NBAS: variants seen among roughly 807,000 people sequenced by gnomAD.
NBAS encodes NBAS subunit of NRZ tethering complex.
A neutral mutation model predicts 302.5 loss-of-function variants in NBAS; 219 were observed. The observed-to-expected ratio is 0.72, with a 90% CI of 0.65 to 0.81. NBAS has a LOEUF of 0.81. Among genes scored for constraint, NBAS ranks in the 30% least tolerant of loss-of-function variants. The probability of loss-of-function intolerance (pLI) is 0.00; values close to 1 mark genes in which losing one functional copy is unlikely to be tolerated. For missense variants in NBAS, 2,932 were observed against 2,841.6 expected, an observed-to-expected ratio of 1.03 and a Z score of -0.72; for synonymous variants, 1,118 against 1,021.6, an observed-to-expected ratio of 1.09 and a Z score of -1.80.
At chr2:15,091,678 G>A in the NBAS span, among the ~76,000 whole-genome samples, 13 of 151,988 alleles carry the variant, frequency 8.6e-5, no homozygotes, top group South Asian at 1.0e-3. Flanking sequence ...GATTACAGGC[G>A]CCTGCCACCA....
chr2:15,102,274 G>A, the NBAS span, among the ~76,000 whole-genome samples: 1 of 152,182 alleles, frequency 6.6e-6, no homozygotes, highest in African/African-American at 2.4e-5. Flanking sequence ...AGGACAAGTA[G>A]TGAGTTGAAT....
the NBAS span, among the ~76,000 whole-genome samples, chr2:15,154,090 G>A: frequency 5.3e-5 from 8 of 152,294 alleles, no homozygotes; most frequent in East Asian, 1.9e-4. Context: ...CAAACTCCTC[G>A]TTCAGTCATA....
At chr2:15,421,118 C>T (rs772948812) in intron 23 of NBAS, among the ~76,000 whole-genome samples, 2 of 151,998 alleles carry the variant, frequency 1.3e-5, no homozygotes, top group African/African-American at 4.8e-5. Context: ...AATACATCTA[C>T]CTTTATAGCA....
At chr2:15,402,370 C>G in intron 25 of NBAS, 69 bp from the exon 26 acceptor site, 1 of 1,399,520 alleles carries the variant, frequency 7.1e-7, no homozygotes, top group Non-Finnish European at 1.0e-6. Context: ...TATCCCAATA[C>G]TACTGTCAAC....
chr2:14,935,520 T>C, the NBAS span, among the ~76,000 whole-genome samples: 20 of 152,328 alleles, frequency 1.3e-4, no homozygotes, highest in African/African-American at 4.8e-4. Flanking sequence ...CAGTAATTCT[T>C]AGTTTTCCAT....
At chr2:15,397,611 C>G in intron 26 of NBAS, 2 of 595,510 alleles carry the variant, frequency 3.4e-6, no homozygotes, top group South Asian at 1.5e-5. Flanking sequence ...GTTTCAAAGA[C>G]GCTCGCTTCA....
the NBAS span, among the ~76,000 whole-genome samples, chr2:14,922,157 G>C: frequency 6.6e-6 from 1 of 152,198 alleles, no homozygotes; most frequent in Admixed American, 6.5e-5. Context: ...AGAAAACAGA[G>C]ATGTCAGAAA....
chr2:15,383,369 T>G (rs1398473513), intron 28 of NBAS, 52 bp from the exon 29 acceptor site: 1 of 1,536,894 alleles, frequency 6.5e-7, no homozygotes. Flanking sequence ...ACAATTAAAA[T>G]CTCTTTCTTC....
At chr2:14,868,062 CATT>C in the NBAS span, among the ~76,000 whole-genome samples, 30 of 152,172 alleles carry the variant, frequency 2.0e-4, no homozygotes, top group African/African-American at 6.8e-4. Context: ...CTGGGCCAGA[CATT>C]GTTGTGTATT....
the NBAS span, among the ~76,000 whole-genome samples, chr2:14,950,584 A>G: frequency 1.3e-5 from 2 of 152,176 alleles, no homozygotes; most frequent in Non-Finnish European, 2.9e-5. Flanking sequence ...GAAATTGTGC[A>G]CTGTATGGGA....
intron 48 of NBAS, among the ~76,000 whole-genome samples, chr2:15,210,832 G>T (rs917512672): frequency 6.6e-6 from 1 of 152,198 alleles, no homozygotes; most frequent in Non-Finnish European, 1.5e-5. Context: ...AACACAGATG[G>T]AACTGGAGGT....
At chr2:15,432,645 T>C (rs1677821289) in intron 21 of NBAS, among the ~76,000 whole-genome samples, 2 of 152,194 alleles carry the variant, frequency 1.3e-5, no homozygotes, top group East Asian at 1.9e-4. Flanking sequence ...CTTTTAAGCA[T>C]TGGCTTTAAA....
chr2:15,229,451 G>A (rs1436761219), intron 47 of NBAS, among the ~76,000 whole-genome samples: 4 of 125,748 alleles, frequency 3.2e-5, no homozygotes, highest in Admixed American at 2.4e-4. Context: ...AAATTTAAAA[G>A]AAGCAAATAA....
chr2:14,907,297 G>A, the NBAS span, among the ~76,000 whole-genome samples: 1 of 152,222 alleles, frequency 6.6e-6, no homozygotes, highest in East Asian at 1.9e-4. Context: ...CTGTTCGGAA[G>A]ATGGGAGCTC....
chr2:15,480,128 G>A (rs1332188750), intron 12 of NBAS, among the ~76,000 whole-genome samples: 2 of 152,076 alleles, frequency 1.3e-5, no homozygotes, highest in African/African-American at 4.8e-5. Context: ...GCTGCTTGAG[G>A]CTAGCAGTTT....
intron 7 of NBAS, among the ~76,000 whole-genome samples, chr2:15,538,868 C>T (rs1663653972): frequency 6.6e-6 from 1 of 152,132 alleles, no homozygotes; most frequent in African/African-American, 2.4e-5. Flanking sequence ...TCTCTACTCG[C>T]CTTTTCAATT....
At chr2:15,499,190 A>G (rs1244444054) in intron 11 of NBAS, among the ~76,000 whole-genome samples, 2 of 152,162 alleles carry the variant, frequency 1.3e-5, no homozygotes, top group African/African-American at 2.4e-5. Context: ...CAGCCTCCCA[A>G]GTGCTGGGAT....
intron 9 of NBAS, among the ~76,000 whole-genome samples, chr2:15,521,209 C>G (rs1210673007): frequency 6.6e-6 from 1 of 152,144 alleles, no homozygotes; most frequent in Non-Finnish European, 1.5e-5. Flanking sequence ...TTAACAGTAC[C>G]TTCTTCGACC....
chr2:15,015,365 T>G, the NBAS span, among the ~76,000 whole-genome samples: 2 of 152,018 alleles, frequency 1.3e-5, no homozygotes, highest in Non-Finnish European at 2.9e-5. Flanking sequence ...ATATGCCTGA[T>G]GAACAAAGAT....
Sources: allele counts gnomAD v4.1 joint callset (sites outside exome capture counted in the v4.1 genomes callset), GRCh38; gene constraint gnomAD v4.1.1; transcripts MANE v1.5; gene names NCBI Gene and HGNC (gene_info 2026-07-23, HGNC 2026-07-21).